Variants in NCL observed in about 807,000 individuals in gnomAD.
NCL encodes the protein nucleolin multifunctional protein.
NCL carries 4 observed loss-of-function variants against 77.7 expected under a neutral mutation model. The ratio of observed to expected loss-of-function variants is 0.05; its 90% CI spans 0.03 to 0.12. The LOEUF is 0.12. NCL is among the 10% of genes least tolerant of loss of function. The probability of loss-of-function intolerance (pLI) is 1.00; values close to 1 mark genes in which losing one functional copy is unlikely to be tolerated. For missense variants in NCL, 763 were observed against 860.9 expected (o/e 0.89, Z 1.42); for synonymous variants, 344 against 297.8 (o/e 1.16, Z -1.60).
chr2:231,455,956 C>A, intron 12 of NCL, 54 bp downstream of exon 12: 1 of 1,613,822 alleles, frequency 6.2e-7, no homozygotes, highest in Non-Finnish European at 8.5e-7. Context: ...TCAAGGTCTG[C>A]ACAGAACAAA....
In NCL at chr2:231,455,123, A is replaced by G; in HGVS notation, c.*68T>C. On this transcript the variant is annotated 3_prime_UTR_variant, in exon 14 of 14. Transcript: ENST00000322723. ...ATGTCCTCAGAAGGCTCTGTCATTG[A>G]TCAGGTAACAGTAAAAACCCCAGAG... 1 of 1,548,062 alleles carries G rather than the reference A, an allele frequency of 6.5e-7. No homozygotes were observed. Among genetic ancestry groups the G allele is most frequent in the Non-Finnish European group, 8.9e-7 (1 of 1,121,858 alleles).
chr2:231,455,417 GCCTCTGCCACCAAATCCTCCTCGGCCT>G lies in NCL; in HGVS notation c.2013_2039del (p.Gly672_Gly680del). ...GTGCCTTACCTCCAAAGCCTCCCCGGCCTCTGCCACCAAATCCTCCTCGGCCTCCTCTACCACCACCTCGTCCTCCAA... is the reference window on the plus strand; with the variant it reads ...GTGCCTTACCTCCAAAGCCTCCCCGGCCTCTACCACCACCTCGTCCTCCAA... On this transcript the variant is annotated inframe_deletion, in exon 13 of 14. Coordinates refer to ENST00000322723, the MANE Select transcript of NCL (RefSeq NM_005381.3). The G allele has an allele frequency of 6.2e-7, 1 of 1,613,924 alleles. No individual in the cohort carries two copies. Among genetic ancestry groups the G allele is most frequent in the South Asian group, 1.1e-5 (1 of 91,078 alleles).
chr2:231,463,446 C>T, intron 1 of NCL, 130 bp from the exon 2 acceptor site: 1 of 734,780 alleles, frequency 1.4e-6, no homozygotes, highest in Non-Finnish European at 2.4e-6. Context: ...AACACCACAA[C>T]TAACATAGAA....
intron 11 of NCL, 30 bp downstream of exon 11, chr2:231,456,601 A>C: frequency 6.2e-7 from 1 of 1,613,466 alleles, no homozygotes; most frequent in Non-Finnish European, 8.5e-7. Context: ...TGCTACCCCC[A>C]ACCACAGCAC....
chr2:231,457,124 C>T lies in NCL; in HGVS notation c.1448G>A (p.Gly483Asp). 3.1e-6 allele frequency: 5 copies of T among 1,613,658 alleles called. No homozygotes were observed. The highest frequency in any genetic ancestry group is 4.2e-6 in the Non-Finnish European group (5 of 1,179,894). ...GCTTAAAACCAGAGTTTTTGATTCA[C>T]CTGCAAATAGAGATGCCACATTCCT... ...YRGGKNSTWS[G>D]ESKTLVLSNL... Residue 483 changes from glycine to aspartate, a missense_variant and splice_region_variant, in exon 10 of 14, where the codon GGT (glycine) becomes GAT (aspartate). Transcript: ENST00000322723.
chr2:231,457,602 TCCA>T lies in NCL; in HGVS notation c.1447+38_1447+40del, dbSNP rs1559540732. ...AATACAAAGACACAAAGGAGTTCCCTCCACCAATTCTGAAACCTTGTAACAAGC... is the reference window on the plus strand; with the variant it reads ...AATACAAAGACACAAAGGAGTTCCCTCCAATTCTGAAACCTTGTAACAAGC... On this transcript the variant is annotated intron_variant, in intron 9 of 13. Transcript: ENST00000322723. 2.0e-6 allele frequency: 3 copies of T among 1,536,084 alleles called. No individual in the cohort carries two copies. In the South Asian group the frequency reaches 3.7e-5, roughly 19 times the overall value.
At position 231,460,762 on chromosome 2, in the gene NCL, C is replaced by T. The variant is rs1434562538; in HGVS notation, c.718G>A (p.Glu240Lys). Residue 240 changes from glutamate to lysine, a missense_variant, in exon 4 of 14, where the codon GAG becomes AAG. Glu to Lys is a moderately conservative substitution (Grantham distance 56). Around this residue, in one of 2 missense-constraint regions of NCL, gnomAD observed 590 missense variants for 570.5 expected, o/e 1.03. Coordinates refer to ENST00000322723, the MANE Select transcript of NCL (RefSeq NM_005381.3). ...TCGTCATCCTCGTCCTCATCATCCT[C>T]TTCTTCATCTTCATCCTCAGCCACG... is the stretch of plus-strand genomic sequence containing the variant. ...KNVAEDEDEE[E>K]DDEDEDDDDD... is the part of the protein sequence containing the mutation. 2.5e-6 allele frequency: 4 copies of T among 1,613,458 alleles called. No individual in the cohort carries two copies. The African/African-American group carries it at 5.3e-5, about 22-fold the overall frequency.
Position 231,455,277 on chromosome 2 carries a change from G to A in NCL, c.2057-10C>T, listed in dbSNP as rs767798540. The A allele has an allele frequency of 2.1e-5, 34 of 1,614,024 alleles. No individual in the cohort carries two copies. The highest frequency in any genetic ancestry group is 3.3e-4 in the Middle Eastern group (2 of 6,084). ...CGGAAGCCTCCTCGCCCTACAGGAG[G>A]AAGGCAAGACACTGTTAAAAGAATG... On this transcript the variant is annotated splice_polypyrimidine_tract_variant and intron_variant, in intron 13 of 13. Coordinates refer to ENST00000322723, the MANE Select transcript of NCL (RefSeq NM_005381.3).
At chr2:231,456,239 T>C (rs181415034) in intron 11 of NCL, 103 bp from the exon 12 acceptor site, 31 of 1,471,310 alleles carry the variant, frequency 2.1e-5, no homozygotes, top group Admixed American at 1.0e-4. Flanking sequence ...CTTGTTATAG[T>C]GAAAAAGCAG....
At chr2:231,455,884 G>C (rs200830899) in intron 12 of NCL, 126 bp downstream of exon 12, 1 of 1,439,924 alleles carries the variant, frequency 6.9e-7, no homozygotes, top group Non-Finnish European at 9.8e-7. Flanking sequence ...TCTTCTTCTC[G>C]TGCGAATCCA....
In NCL at chr2:231,460,842, G is replaced by C. The variant is rs369109066; in HGVS notation, c.638C>G (p.Thr213Ser). Residue 213 changes from threonine to serine, a missense_variant, in exon 4 of 14, where the codon ACT becomes AGT. This residue lies in a region of NCL where 590 missense variants were observed against 570.5 expected (regional missense o/e 1.03). Coordinates refer to ENST00000322723, the MANE Select transcript of NCL (RefSeq NM_005381.3). Reference sequence around the variant, plus strand: ...AGCTTTCTTTCCTTTGGCTGGTGTAGTCTCCATAGCTTCTTCTTCAGAGTC... The same window carrying C: ...AGCTTTCTTTCCTTTGGCTGGTGTACTCTCCATAGCTTCTTCTTCAGAGTC... Reference protein sequence around the residue: ...EDDSEEEAMETTPAKGKKAAK... With the variant: ...EDDSEEEAMESTPAKGKKAAK... 9 of 1,613,914 alleles carry C rather than the reference G, an allele frequency of 5.6e-6. No homozygotes were observed. Among genetic ancestry groups the C allele is most frequent in the African/African-American group, 1.3e-5 (1 of 74,852 alleles).
chr2:231,464,396 C>A lies in NCL; in HGVS notation c.-43G>T, dbSNP rs1559543651. 1 of 1,591,604 alleles carries A rather than the reference C, an allele frequency of 6.3e-7. No individual in the cohort carries two copies. Among genetic ancestry groups the A allele is most frequent in the Non-Finnish European group, 8.6e-7 (1 of 1,168,084 alleles). ...AAGCGGACAAGTGGCGCAGATGAGT[C>A]CAGAAGAAGCCAAGCGACGGCGATG... is the stretch of plus-strand genomic sequence containing the variant. On this transcript the variant is annotated 5_prime_UTR_variant, in exon 1 of 14. Transcript: ENST00000322723.
rs1048709799 is a variant in NCL at position 231,454,870 on chromosome 2, AAC to A, written c.*319_*320del. The A allele has an allele frequency of 1.1e-4, 22 of 193,184 alleles. No individual in the cohort carries two copies. Among genetic ancestry groups the A allele is most frequent in the South Asian group, 1.7e-4 (1 of 5,994 alleles). The allele number at this position is 193,184 out of a possible 1,614,324, so 12.0% of individuals were successfully genotyped here. A position where few individuals can be genotyped will look rare whatever the true frequency, so the allele number is the denominator to read the frequency against. ...GCAAAAAAAAAAAAAACAAAAACAAAACAAAAAAAAGAAACAACAACAAAACC... is the reference window on the plus strand; with the variant it reads ...GCAAAAAAAAAAAAAACAAAAACAAAAAAAAAAAGAAACAACAACAAAACC... On this transcript the variant is annotated 3_prime_UTR_variant, in exon 14 of 14. Transcript: ENST00000322723.
At chr2:231,462,103 G>A in intron 2 of NCL, 86 bp from the exon 3 acceptor site, 1 of 1,513,162 alleles carries the variant, frequency 6.6e-7, no homozygotes, top group Non-Finnish European at 9.1e-7. Context: ...TTAGACTCTG[G>A]CAATGCCTCT....
chr2:231,461,676 ATCC>A lies in NCL; in HGVS notation c.474_476del (p.Glu158del), dbSNP rs2046953181. 3 of 1,611,290 alleles carry A rather than the reference ATCC, an allele frequency of 1.9e-6. No individual in the cohort carries two copies. The highest frequency in any genetic ancestry group is 2.5e-6 in the Non-Finnish European group (3 of 1,177,572). On this transcript the variant is annotated inframe_deletion, in exon 3 of 14. Coordinates refer to ENST00000322723, the MANE Select transcript of NCL (RefSeq NM_005381.3). ...CTTCATCCTCATCCTCGTCCTCGTC[ATCC>A]TCCTCATCCTCCTCACTGTCATCAT...
In NCL at chr2:231,454,937, G is replaced by GAAAC. The variant is rs1239508218; in HGVS notation, c.*250_*253dup. The GAAAC allele has an allele frequency of 7.0e-5, 26 of 370,328 alleles. No individual in the cohort carries two copies. Among genetic ancestry groups the GAAAC allele is most frequent in the Non-Finnish European group, 1.1e-4 (23 of 204,888 alleles). 22.9% of individuals were successfully genotyped at this position (370,328 alleles called of 1,614,324 possible). A position where few individuals can be genotyped will look rare whatever the true frequency, so the allele number is the denominator to read the frequency against. Reference sequence around the variant, plus strand: ...GAAAAAATGGTTTTGTACATGGGATGAAACAATATAAATTCAAAACTTACA... The same window carrying GAAAC: ...GAAAAAATGGTTTTGTACATGGGATGAAACAAACAATATAAATTCAAAACTTACA... On this transcript the variant is annotated 3_prime_UTR_variant, in exon 14 of 14. Coordinates refer to ENST00000322723, the MANE Select transcript of NCL (RefSeq NM_005381.3).
At position 231,460,546 on chromosome 2, in the gene NCL, G is replaced by A. The variant is rs1575261938; in HGVS notation, c.830C>T (p.Pro277Leu). ...GGCCATTTCCTTCTTTCGTTTTCCA[G>A]GTGCTTCTTTGACAGGCTCTGGACA... ...EEEEEPVKEA[P>L]GKRKKEMAKQ... The change falls in exon 5 of 14, where the codon CCT becomes CTT. Residue 277 changes from proline (P) to leucine (L), a missense_variant. Pro to Leu is a moderately conservative substitution (Grantham distance 98). Transcript: ENST00000322723. 3.7e-6 allele frequency: 6 copies of A among 1,614,142 alleles called. No individual in the cohort carries two copies. The East Asian group carries it at 6.7e-5, about 18-fold the overall frequency.
intron 12 of NCL, 117 bp downstream of exon 12, chr2:231,455,893 C>T: frequency 2.0e-6 from 3 of 1,508,444 alleles, no homozygotes; most frequent in Non-Finnish European, 2.8e-6. Flanking sequence ...CGTGCGAATC[C>T]ATAAACTGCC....
Position 231,455,252 on chromosome 2 carries a change from C to T in NCL, c.2072G>A (p.Arg691Gln), listed in dbSNP as rs771794787. 3.7e-6 allele frequency: 6 copies of T among 1,614,090 alleles called. No individual in the cohort carries two copies. The highest frequency in any genetic ancestry group is 1.1e-5 in the South Asian group (1 of 91,074). ...GTCACCTCCTCCTCCTCTGCCTCCTCGGAAGCCTCCTCGCCCTACAGGAGG... is the reference window on the plus strand; with the variant it reads ...GTCACCTCCTCCTCCTCTGCCTCCTTGGAAGCCTCCTCGCCCTACAGGAGG... Reference protein sequence around the residue: ...RGGFGGRGGFRGGRGGGGDHK... With the variant: ...RGGFGGRGGFQGGRGGGGDHK... The change falls in exon 14 of 14, where the codon CGA becomes CAA. Residue 691 changes from arginine (R) to glutamine (Q), a missense_variant. Physicochemically the swap from Arg to Gln is conservative, Grantham distance 43. Coordinates refer to ENST00000322723, the MANE Select transcript of NCL (RefSeq NM_005381.3).
Sources: gnomAD v4.1 joint callset for allele counts on GRCh38, gnomAD v4.1.1 for gene constraint, gnomAD v4.1.1 regional missense constraint, MANE v1.5 for transcripts, NCBI Gene and HGNC (gene_info 2026-07-23, HGNC 2026-07-21) for gene names.